Variants in DCLK1 observed in about 807,000 individuals in gnomAD.
The protein encoded by DCLK1 is doublecortin like kinase 1.
DCLK1 carries 16 observed loss-of-function variants against 86.2 expected under a neutral mutation model. That is an observed-to-expected ratio of 0.19 (90% CI 0.13 to 0.28). The LOEUF is 0.28. DCLK1 is among the 10% of genes least tolerant of loss of function. The pLI, the probability that DCLK1 is intolerant of heterozygous loss-of-function variation, is 1.00. For missense variants in DCLK1, 590 were observed against 940.2 expected (o/e 0.63, Z 4.87); for synonymous variants, 369 against 370.5 (o/e 1.00, Z 0.05).
At chr13:35,879,440 C>T (rs181795340) in intron 4 of DCLK1, among the ~76,000 whole-genome samples, 155 of 152,330 alleles carry the variant, frequency 1.0e-3, no homozygotes, top group African/African-American at 3.7e-3. Context: ...CTCAGATCTA[C>T]TGTTCTGATA....
At chr13:35,936,962 C>CTTGTTTTTTTTTTTTTTTTTTTTTT (rs1876786683) in intron 4 of DCLK1, among the ~76,000 whole-genome samples, 1 of 65,712 alleles carries the variant, frequency 1.5e-5, no homozygotes, top group Non-Finnish European at 3.0e-5. Flanking sequence ...GAAAAGTTAG[C>CTTGTTTTTTTTTTTTTTTTTTTTTT]TTTTTTTTTT....
chr13:35,907,238 C>T (rs1874736246), intron 4 of DCLK1, among the ~76,000 whole-genome samples: 1 of 152,224 alleles, frequency 6.6e-6, no homozygotes, highest in Admixed American at 6.5e-5. Context: ...TCATGGCTCA[C>T]TGCTCACTTG....
At chr13:36,044,756 A>C (rs1882817345) in intron 3 of DCLK1, among the ~76,000 whole-genome samples, 1 of 152,188 alleles carries the variant, frequency 6.6e-6, no homozygotes. Flanking sequence ...AAATTGAGAA[A>C]GATAACAAGT....
chr13:35,826,829 C>T (rs1278714498), intron 10 of DCLK1, among the ~76,000 whole-genome samples: 1 of 152,080 alleles, frequency 6.6e-6, no homozygotes, highest in African/African-American at 2.4e-5. Flanking sequence ...CGCCCCCTGG[C>T]GGTGCTCACA....
intron 8 of DCLK1, among the ~76,000 whole-genome samples, chr13:35,834,902 A>G (rs1208637545): frequency 6.6e-6 from 1 of 152,212 alleles, no homozygotes; most frequent in Non-Finnish European, 1.5e-5. Context: ...AAGGTCCATA[A>G]GGAGGACTCT....
At chr13:35,972,583 C>T (rs1264131732) in intron 3 of DCLK1, among the ~76,000 whole-genome samples, 1 of 151,918 alleles carries the variant, frequency 6.6e-6, no homozygotes, top group Non-Finnish European at 1.5e-5. Context: ...ACAGAGGTTG[C>T]CACACAGAGA....
chr13:36,045,332 G>GTATATATATATCTATA (rs1882853600), intron 3 of DCLK1, among the ~76,000 whole-genome samples: 1 of 55,772 alleles, frequency 1.8e-5, no homozygotes, highest in South Asian at 1.0e-3. Flanking sequence ...GTGTGTGTGT[G>GTATATATATATCTATA]TATATATATA....
At chr13:35,929,122 G>T (rs1020937858) in intron 4 of DCLK1, among the ~76,000 whole-genome samples, 2 of 152,034 alleles carry the variant, frequency 1.3e-5, no homozygotes, top group Non-Finnish European at 2.9e-5. Flanking sequence ...GTAGAGATGG[G>T]GTTTCACCAT....
At chr13:36,011,602 T>C (rs1195730990) in intron 3 of DCLK1, among the ~76,000 whole-genome samples, 1 of 151,670 alleles carries the variant, frequency 6.6e-6, no homozygotes, top group Non-Finnish European at 1.5e-5. Flanking sequence ...TAGTTTGTTA[T>C]AATTTCTGTT....
chr13:35,803,209 T>C lies in DCLK1; in HGVS notation c.1944+2490A>G, dbSNP rs561114712. Among the ~76,000 whole-genome samples the C allele has an allele frequency of 5.3e-5, 8 of 152,330 alleles. No individual in the cohort carries two copies. The East Asian group carries it at 1.2e-3, about 22-fold the overall frequency. ...CCTGCATAGCCTTAGTCTCCTCATC[T>C]GTAAAATGGGTACAATAATACCCAT... On this transcript the variant is annotated intron_variant, in intron 15 of 16. Transcript: ENST00000360631.
intron 4 of DCLK1, among the ~76,000 whole-genome samples, chr13:35,907,977 T>A (rs529421724): frequency 6.6e-6 from 1 of 152,080 alleles, no homozygotes; most frequent in African/African-American, 2.4e-5. Flanking sequence ...GAACATTTAA[T>A]TTTTTTTCCT....
chr13:36,100,465 A>G (rs367758129), intron 3 of DCLK1, among the ~76,000 whole-genome samples: 9 of 152,134 alleles, frequency 5.9e-5, no homozygotes, highest in African/African-American at 1.9e-4. Flanking sequence ...CAATTCCAGA[A>G]ATGGCCTGAG....
At chr13:35,896,312 G>T (rs941904755) in intron 4 of DCLK1, among the ~76,000 whole-genome samples, 3 of 152,018 alleles carry the variant, frequency 2.0e-5, no homozygotes, top group African/African-American at 7.2e-5. Context: ...GCCAAGGAGG[G>T]TGGATCACCT....
At chr13:35,982,155 G>A (rs1032698585) in intron 3 of DCLK1, among the ~76,000 whole-genome samples, 1 of 151,538 alleles carries the variant, frequency 6.6e-6, no homozygotes, top group African/African-American at 2.4e-5. Context: ...GAGGGATCCT[G>A]GGCCAGAAAG....
At chr13:35,915,275 T>A (rs528592117) in intron 4 of DCLK1, among the ~76,000 whole-genome samples, 13 of 152,340 alleles carry the variant, frequency 8.5e-5, no homozygotes, top group African/African-American at 2.9e-4. Context: ...CTGAAGAGAA[T>A]AACTTGGGTA....
intron 6 of DCLK1, among the ~76,000 whole-genome samples, chr13:35,841,204 C>A (rs1205624286): frequency 2.0e-5 from 3 of 152,178 alleles, no homozygotes; most frequent in Non-Finnish European, 1.5e-5. Flanking sequence ...AAGACACATT[C>A]TTTCACCAAA....
intron 4 of DCLK1, among the ~76,000 whole-genome samples, chr13:35,941,304 T>C (rs1877068817): frequency 6.6e-6 from 1 of 152,190 alleles, no homozygotes; most frequent in South Asian, 2.1e-4. Context: ...AACCCCATGG[T>C]GAATGGTACC....
At chr13:35,881,380 C>T (rs1285347851) in intron 4 of DCLK1, among the ~76,000 whole-genome samples, 2 of 152,184 alleles carry the variant, frequency 1.3e-5, no homozygotes, top group African/African-American at 4.8e-5. Flanking sequence ...AGCTTGCCTA[C>T]ATCTTCCCCA....
chr13:35,872,064 CAG>C, intron 4 of DCLK1, among the ~76,000 whole-genome samples: 1 of 152,266 alleles, frequency 6.6e-6, no homozygotes, highest in South Asian at 2.1e-4. Context: ...TCTTAAATGG[CAG>C]AGAGTTTTCT....
Sources: gnomAD v4.1 joint callset for allele counts (sites outside exome capture counted in the v4.1 genomes callset) on GRCh38, gnomAD v4.1.1 for gene constraint, MANE v1.5 for transcripts, NCBI Gene and HGNC (gene_info 2026-07-23, HGNC 2026-07-21) for gene names.